The following PDE6G variants were observed in gnomAD, a reference collection of about 807,000 sequenced individuals.
PDE6G encodes the protein phosphodiesterase 6G.
PDE6G carries 10 observed loss-of-function variants against 10.9 expected under a neutral mutation model. The observed-to-expected ratio is 0.91, with a 90% confidence interval of 0.56 to 1.55. The LOEUF (loss-of-function observed/expected upper bound fraction) is 1.55. Among genes scored for constraint, PDE6G ranks in the 40% most tolerant of loss-of-function variants. PDE6G has a pLI of 0.00. For synonymous variants in PDE6G, 41 were observed against 42.8 expected (o/e 0.96, Z 0.16); for missense variants, 102 against 110.1 (o/e 0.93, Z 0.33).
In PDE6G at chr17:81,650,790, A is replaced by T. The variant is rs1462981618; in HGVS notation, c.*284T>A. 1 of 531,706 alleles carries T rather than the reference A, an allele frequency of 1.9e-6. No homozygotes were observed. The highest frequency in any genetic ancestry group is 1.5e-5 in the South Asian group (1 of 64,876). 32.9% of individuals were successfully genotyped at this position (531,706 alleles called of 1,614,324 possible). A position where few individuals can be genotyped will look rare whatever the true frequency, so the allele number is the denominator to read the frequency against. On this transcript the variant is annotated 3_prime_UTR_variant, in exon 4 of 4. Transcript: ENST00000331056. Reference sequence around the variant, plus strand: ...GGGTCCACTTCCCGTTCTCCCTGGGAGTGGAGACCGACCAAGCCTCTCTGT... The same window carrying T: ...GGGTCCACTTCCCGTTCTCCCTGGGTGTGGAGACCGACCAAGCCTCTCTGT...
intron 1 of PDE6G, among the ~76,000 whole-genome samples, chr17:81,655,762 C>T (rs2036437953): frequency 1.3e-5 from 2 of 152,250 alleles, no homozygotes; most frequent in Non-Finnish European, 2.9e-5. Flanking sequence ...TTTCCTGCCC[C>T]TGGTCTTTTT....
upstream of PDE6G, among the ~76,000 whole-genome samples, chr17:81,659,782 G>A (rs2036492976): frequency 6.6e-6 from 1 of 151,996 alleles, no homozygotes; most frequent in African/African-American, 2.4e-5. Flanking sequence ...AGTTACTTAT[G>A]TTTACATGAA....
In PDE6G at chr17:81,653,522, C is replaced by T; in HGVS notation, c.-59-158G>A. 1 of 591,222 alleles carries T rather than the reference C, an allele frequency of 1.7e-6. No homozygotes were observed. The highest frequency in any genetic ancestry group is 3.0e-6 in the Non-Finnish European group (1 of 332,132). The allele number at this position is 591,222 out of a possible 1,614,324, so 36.6% of individuals were successfully genotyped here. The stretch of plus-strand genomic sequence containing the variant: ...ATCCGCCCTGGGGTAACCAGCCTGC[C>T]AGCTTTGCTTGGGTCCACCCGCACG... On this transcript the variant is annotated intron_variant, in intron 1 of 3. Coordinates refer to ENST00000331056, the MANE Select transcript of PDE6G (RefSeq NM_002602.4). This position sits in a 1 kb window ranked among gnomAD's most constrained non-coding sequence, Gnocchi z 5.2.
chr17:81,651,280 G>T lies in PDE6G; in HGVS notation c.188-130C>A. 1 of 728,168 alleles carries T rather than the reference G, an allele frequency of 1.4e-6. No individual in the cohort carries two copies. Among genetic ancestry groups the T allele is most frequent in the South Asian group, 1.5e-5 (1 of 65,208 alleles). 45.1% of individuals were successfully genotyped at this position (728,168 alleles called of 1,614,324 possible). A position where few individuals can be genotyped will look rare whatever the true frequency, so the allele number is the denominator to read the frequency against. On this transcript the variant is annotated intron_variant, in intron 3 of 3. Transcript: ENST00000331056. This position sits in a 1 kb window ranked among gnomAD's most constrained non-coding sequence, Gnocchi z 4.8. ...GCTGAGCGGGGACGTGCGGACGCTGGAGTGGGGCCCTCCTCTGGGGACACA... is the reference window on the plus strand; with the variant it reads ...GCTGAGCGGGGACGTGCGGACGCTGTAGTGGGGCCCTCCTCTGGGGACACA...
At position 81,650,559 on chromosome 17, in the gene PDE6G, T is replaced by TCAC. The variant is rs1371429073; in HGVS notation, c.*512_*514dup. On this transcript the variant is annotated 3_prime_UTR_variant, in exon 4 of 4. Coordinates refer to ENST00000331056, the MANE Select transcript of PDE6G (RefSeq NM_002602.4). ...GTGATGAGCTTGGGGCCTCATCTGCTCACCGTGCACGCCCTGGAGTCCTGC... is the reference window on the plus strand; with the variant it reads ...GTGATGAGCTTGGGGCCTCATCTGCTCACCACCGTGCACGCCCTGGAGTCCTGC... The TCAC allele has an allele frequency of 4.4e-6, 2 of 454,056 alleles. No individual in the cohort carries two copies. The highest frequency in any genetic ancestry group is 4.0e-5 in the African/African-American group (2 of 50,004). The allele number at this position is 454,056 out of a possible 1,614,324, so 28.1% of individuals were successfully genotyped here. A position where few individuals can be genotyped will look rare whatever the true frequency, so the allele number is the denominator to read the frequency against.
rs2036342761 is a variant in PDE6G at position 81,650,992 on chromosome 17, A to G, written c.*82T>C. ...CAGGTGCCATCTGGGCTAGGGAGGC[A>G]TCTCCTCAACAGGAATCCTGAGCAG... is the stretch of plus-strand genomic sequence containing the variant. On this transcript the variant is annotated 3_prime_UTR_variant, in exon 4 of 4. Coordinates refer to ENST00000331056, the MANE Select transcript of PDE6G (RefSeq NM_002602.4). 9.6e-7 allele frequency: 1 copy of G among 1,044,168 alleles called. No individual in the cohort carries two copies. 64.7% of individuals were successfully genotyped at this position (1,044,168 alleles called of 1,614,324 possible). A position where few individuals can be genotyped will look rare whatever the true frequency, so the allele number is the denominator to read the frequency against.
upstream of PDE6G, chr17:81,656,622 G>T: frequency 1.4e-6 from 1 of 718,218 alleles, no homozygotes; most frequent in Non-Finnish European, 2.5e-6. Context: ...TAATGAGATT[G>T]TTGGGCCCCG....
chr17:81,662,095 C>G (rs1272777289), intron 1 of PDE6G, among the ~76,000 whole-genome samples: 1 of 152,042 alleles, frequency 6.6e-6, no homozygotes, highest in Non-Finnish European at 1.5e-5. Context: ...GTTGTCCCTC[C>G]TTTCCTGACC....
rs563120125 is a variant in PDE6G, at chr17:81,651,238, G to C, written c.188-88C>G. The C allele has an allele frequency of 1.4e-5, 14 of 967,168 alleles. No individual in the cohort carries two copies. The African/African-American group carries it at 1.9e-4, about 13-fold the overall frequency. The allele number at this position is 967,168 out of a possible 1,614,324, so 59.9% of individuals were successfully genotyped here. On this transcript the variant is annotated intron_variant, in intron 3 of 3. Transcript: ENST00000331056. This position sits in a 1 kb window ranked among gnomAD's most constrained non-coding sequence, Gnocchi z 4.8. ...TGTGGCCCTGTTTCCCACAGCCCAG[G>C]TGTAGCCCTACAGTGTGCTGAGCGG... is the stretch of plus-strand genomic sequence containing the variant.
At chr17:81,659,182 G>A (rs1169645457), upstream of PDE6G, among the ~76,000 whole-genome samples, 1 of 132,468 alleles carries the variant, frequency 7.5e-6, no homozygotes, top group African/African-American at 2.9e-5. Context: ...TTGAGAGACA[G>A]GATCTGGCTC....
At position 81,653,604 on chromosome 17, in the gene PDE6G, C is replaced by T. The variant is rs553382293; in HGVS notation, c.-59-240G>A. 8 of 458,736 alleles carry T rather than the reference C, an allele frequency of 1.7e-5. No individual in the cohort carries two copies. Among genetic ancestry groups the T allele is most frequent in the African/African-American group, 7.9e-5 (4 of 50,584 alleles). The allele number at this position is 458,736 out of a possible 1,614,324, so 28.4% of individuals were successfully genotyped here. ...CTGCAACGCTGGCCACACACAGCTCCGGACTCCCCCCTGTCCTGGCCTCCC... is the reference window on the plus strand; with the variant it reads ...CTGCAACGCTGGCCACACACAGCTCTGGACTCCCCCCTGTCCTGGCCTCCC... On this transcript the variant is annotated intron_variant, in intron 1 of 3. Coordinates refer to ENST00000331056, the MANE Select transcript of PDE6G (RefSeq NM_002602.4). The surrounding 1 kb of genome is among the most constrained non-coding windows in gnomAD (Gnocchi z 5.2).
At chr17:81,654,167 G>A (rs1373387015) in intron 1 of PDE6G, among the ~76,000 whole-genome samples, 1 of 152,080 alleles carries the variant, frequency 6.6e-6, no homozygotes, top group Non-Finnish European at 1.5e-5. Context: ...GAATGGGCCT[G>A]CCAGGCCCAG....
At chr17:81,659,808 C>T (rs1481216783), upstream of PDE6G, among the ~76,000 whole-genome samples, 3 of 152,030 alleles carry the variant, frequency 2.0e-5, no homozygotes, top group Non-Finnish European at 4.4e-5. Flanking sequence ...ACTATTAGGC[C>T]GGGCACATTG....
Position 81,653,648 on chromosome 17 carries a change from C to T in PDE6G, c.-59-284G>A. 1 of 375,004 alleles carries T rather than the reference C, an allele frequency of 2.7e-6. No homozygotes were observed. The allele number at this position is 375,004 out of a possible 1,614,324, so 23.2% of individuals were successfully genotyped here. A position where few individuals can be genotyped will look rare whatever the true frequency, so the allele number is the denominator to read the frequency against. The stretch of plus-strand genomic sequence containing the variant: ...GCCTCCCTCGCCCCGGCCCACAATC[C>T]ACAGCAAACCTAGCCTCCCAACCTG... On this transcript the variant is annotated intron_variant, in intron 1 of 3. Coordinates refer to ENST00000331056, the MANE Select transcript of PDE6G (RefSeq NM_002602.4). This position sits in a 1 kb window ranked among gnomAD's most constrained non-coding sequence, Gnocchi z 5.2.
upstream of PDE6G, among the ~76,000 whole-genome samples, chr17:81,658,931 A>G (rs2036483180): frequency 6.6e-6 from 1 of 152,188 alleles, no homozygotes; most frequent in Non-Finnish European, 1.5e-5. Flanking sequence ...ATATACAAAG[A>G]CAATCACATG....
At position 81,653,532 on chromosome 17, in the gene PDE6G, T is replaced by C; in HGVS notation, c.-59-168A>G. 1 of 584,048 alleles carries C rather than the reference T, an allele frequency of 1.7e-6. No homozygotes were observed. The highest frequency in any genetic ancestry group is 3.1e-6 in the Non-Finnish European group (1 of 326,750). 36.2% of individuals were successfully genotyped at this position (584,048 alleles called of 1,614,324 possible). On this transcript the variant is annotated intron_variant, in intron 1 of 3. Coordinates refer to ENST00000331056, the MANE Select transcript of PDE6G (RefSeq NM_002602.4). This position sits in a 1 kb window ranked among gnomAD's most constrained non-coding sequence, Gnocchi z 5.2. ...GGGTAACCAGCCTGCCAGCTTTGCT[T>C]GGGTCCACCCGCACGCTCCCATTCC...
At chr17:81,660,216 A>G (rs2036497288), upstream of PDE6G, among the ~76,000 whole-genome samples, 1 of 152,194 alleles carries the variant, frequency 6.6e-6, no homozygotes, top group Non-Finnish European at 1.5e-5. Context: ...GTTCGACACC[A>G]GCTTGGCCAA....
Position 81,650,713 on chromosome 17 carries a change from C to G in PDE6G, c.*361G>C. 2.2e-6 allele frequency: 1 copy of G among 459,474 alleles called. No homozygotes were observed. Among genetic ancestry groups the G allele is most frequent in the South Asian group, 1.6e-5 (1 of 64,208 alleles). 28.5% of individuals were successfully genotyped at this position (459,474 alleles called of 1,614,324 possible). On this transcript the variant is annotated 3_prime_UTR_variant, in exon 4 of 4. Coordinates refer to ENST00000331056, the MANE Select transcript of PDE6G (RefSeq NM_002602.4). ...AGCACTCTGGGGAGACCTGCCCTAG[C>G]TTTCCAGCTGGGAGGAGGGGACGAT...
Position 81,650,526 on chromosome 17 carries a change from C to T in PDE6G, c.*548G>A, listed in dbSNP as rs193012267. 1.1e-4 allele frequency: 48 copies of T among 454,034 alleles called. 1 individual carries two copies. The highest frequency in any genetic ancestry group is 5.6e-4 in the Admixed American group (24 of 42,554). The allele number at this position is 454,034 out of a possible 1,614,324, so 28.1% of individuals were successfully genotyped here. A position where few individuals can be genotyped will look rare whatever the true frequency, so the allele number is the denominator to read the frequency against. On this transcript the variant is annotated 3_prime_UTR_variant, in exon 4 of 4. Coordinates refer to ENST00000331056, the MANE Select transcript of PDE6G (RefSeq NM_002602.4). ...GGCAGGCTGTATTGAGAAGGATGGC[C>T]CCCTGGTGTGATGAGCTTGGGGCCT...
Sources: gnomAD v4.1 joint callset for allele counts (sites outside exome capture counted in the v4.1 genomes callset) on GRCh38, gnomAD v4.1.1 for gene constraint, Gnocchi (gnomAD v3.1) non-coding constraint, MANE v1.5 for transcripts, NCBI Gene and HGNC (gene_info 2026-07-23, HGNC 2026-07-21) for gene names.